Variants in DOCK9 observed in about 807,000 individuals in gnomAD.
DOCK9 encodes the protein dedicator of cytokinesis protein 9.
Under a neutral mutation model 263.3 loss-of-function variants are expected in DOCK9, and 89 were observed. The ratio of observed to expected loss-of-function variants is 0.34; its 90% CI spans 0.28 to 0.40. The LOEUF (loss-of-function observed/expected upper bound fraction) is 0.40, where lower values mean the gene tolerates loss of function less well. Ranked by LOEUF, DOCK9 falls within the 10% of genes least tolerant of loss-of-function variation. DOCK9 has a pLI of 1.00. For synonymous variants in DOCK9, 976 were observed against 973.1 expected, an observed-to-expected ratio of 1.00 and a Z score of -0.06; for missense variants, 2,140 against 2,603.4, an observed-to-expected ratio of 0.82 and a Z score of 3.87.
intron 45 of DOCK9, 38 bp downstream of exon 45, chr13:98,824,360 C>A: frequency 6.3e-7 from 1 of 1,577,116 alleles, no homozygotes; most frequent in Non-Finnish European, 8.7e-7. Context: ...TCCCAGATAC[C>A]CCAGTACCTG....
Position 99,001,873 on chromosome 13 carries a change from C to T in DOCK9, c.130-46322G>A, listed in dbSNP as rs560495451. 7.9e-5 allele frequency among the ~76,000 whole-genome samples: 12 copies of T among 152,308 alleles called. No individual in the cohort carries two copies. In the South Asian group the frequency reaches 2.3e-3, roughly 29 times the overall value. ...TGTTTTCTTAAAGAGGGACTTCCAA[C>T]TGGCAAGAATGTTAGGGCCCTATGA... On this transcript the variant is annotated intron_variant, in intron 1 of 32. Coordinates refer to the DOCK9 transcript ENST00000427887.
In DOCK9 at chr13:98,824,502, C is replaced by A; in HGVS notation, c.5026G>T (p.Val1676Leu). The A allele has an allele frequency of 3.7e-6, 6 of 1,613,464 alleles. No individual in the cohort carries two copies. The highest frequency in any genetic ancestry group is 5.1e-6 in the Non-Finnish European group (6 of 1,179,578). Residue 1676 changes from valine (V) to leucine (L), a missense_variant and splice_region_variant, in exon 45 of 53, where the codon GTG (valine) becomes TTG (leucine). This residue lies in a region of DOCK9 where 619 missense variants were observed against 861.8 expected (regional missense o/e 0.72). Transcript: ENST00000682017. The stretch of plus-strand genomic sequence containing the variant: ...AAGGCGGTGCATCCTTGTCTAAACA[C>A]GCCTAGGAAGAGAGGAAGGAGGGAC... ...LVAEYLTRKG[V>L]FRQGCTAFRV... is the part of the protein sequence containing the mutation.
At chr13:98,908,121 A>G (rs1385387545) in intron 9 of DOCK9, among the ~76,000 whole-genome samples, 1 of 152,234 alleles carries the variant, frequency 6.6e-6, no homozygotes, top group East Asian at 1.9e-4. Context: ...AGAAGAAAAC[A>G]AGGTAAACAA....
intron 34 of DOCK9, among the ~76,000 whole-genome samples, chr13:98,855,185 C>T (rs2093675450): frequency 6.6e-6 from 1 of 152,200 alleles, no homozygotes; most frequent in African/African-American, 2.4e-5. Flanking sequence ...ACCCCTGAAT[C>T]ACCTATATGA....
chr13:98,914,149 G>A (rs1216998176), intron 9 of DOCK9, among the ~76,000 whole-genome samples, 179 bp downstream of exon 9: 1 of 152,140 alleles, frequency 6.6e-6, no homozygotes, highest in Admixed American at 6.5e-5. Context: ...CTTTTTAGAA[G>A]ACAGACCTGA....
chr13:98,855,149 G>A (rs76775798), intron 34 of DOCK9, among the ~76,000 whole-genome samples: 5,490 of 152,256 alleles, frequency 0.036, 310 homozygotes, highest in African/African-American at 0.12. Context: ...TTGTGGGTGC[G>A]TGCTGTGTGA....
chr13:98,906,867 G>A (rs1005475706), intron 9 of DOCK9, among the ~76,000 whole-genome samples: 4 of 152,072 alleles, frequency 2.6e-5, no homozygotes, highest in African/African-American at 9.7e-5. Flanking sequence ...TAGCCTCTCT[G>A]GATTCCATTT....
rs1423347509 is a variant in DOCK9, at chr13:99,008,232, ATATTT to A, written c.130-52686_130-52682del. Among the ~76,000 whole-genome samples, 43 of 103,390 alleles carry A rather than the reference ATATTT, an allele frequency of 4.2e-4. No individual in the cohort carries two copies. The East Asian group carries it at 4.5e-3, about 11-fold the overall frequency. The allele number at this position is 103,390 out of a possible 152,430, so 67.8% of individuals were successfully genotyped here. A position where few individuals can be genotyped will look rare whatever the true frequency, so the allele number is the denominator to read the frequency against. ...TCTCTCTATATATATATATATATAT[ATATTT>A]TTTTTTTTTTTTGAGACGAAGTCTC... is the stretch of plus-strand genomic sequence containing the variant. On this transcript the variant is annotated intron_variant, in intron 1 of 32. Coordinates refer to the DOCK9 transcript ENST00000427887.
chr13:99,079,646 C>T (rs1048570505), intron 1 of DOCK9, among the ~76,000 whole-genome samples: 7 of 152,306 alleles, frequency 4.6e-5, no homozygotes, highest in East Asian at 1.9e-4. Context: ...ACTCGGGCAA[C>T]GTATGTTGCT....
Position 98,832,013 on chromosome 13 carries a change from G to C in DOCK9, c.4315-227C>G, listed in dbSNP as rs138264528. 2,324 of 537,722 alleles carry C rather than the reference G, an allele frequency of 4.3e-3. 8 individuals are homozygous for C. The highest frequency in any genetic ancestry group is 5.9e-3 in the Non-Finnish European group (1,809 of 308,594). The allele number at this position is 537,722 out of a possible 1,614,324, so 33.3% of individuals were successfully genotyped here. On this transcript the variant is annotated intron_variant, in intron 39 of 52. Transcript: ENST00000682017. Reference sequence around the variant, plus strand: ...AACCTCCCAGCAAACTAACAGAGTTGAAAGGAACACTTGCTTAGTACTGAC... The same window carrying C: ...AACCTCCCAGCAAACTAACAGAGTTCAAAGGAACACTTGCTTAGTACTGAC...
chr13:98,993,282 G>A (rs1275969521), intron 1 of DOCK9, among the ~76,000 whole-genome samples: 1 of 152,206 alleles, frequency 6.6e-6, no homozygotes, highest in African/African-American at 2.4e-5. Flanking sequence ...GACCCCGTAT[G>A]AGACTCCAAA....
chr13:99,074,960 A>C (rs2142407221), intron 1 of DOCK9, among the ~76,000 whole-genome samples: 1 of 152,366 alleles, frequency 6.6e-6, no homozygotes, highest in Non-Finnish European at 1.5e-5. Flanking sequence ...GGAGGTGGCT[A>C]TGAAATCATT....
chr13:98,920,925 C>T lies in DOCK9; in HGVS notation c.717+29G>A, dbSNP rs547317409. On this transcript the variant is annotated intron_variant, in intron 7 of 52. Transcript: ENST00000682017. ...ATAAGCACTACTGCAGATAAGAAAACATAATGGTAAAACTCTTTTCATATT... is the reference window on the plus strand; with the variant it reads ...ATAAGCACTACTGCAGATAAGAAAATATAATGGTAAAACTCTTTTCATATT... The T allele has an allele frequency of 2.3e-5, 36 of 1,565,122 alleles. 3 individuals carry two copies. The South Asian group carries it at 4.0e-4, about 17-fold the overall frequency.
intron 1 of DOCK9, among the ~76,000 whole-genome samples, chr13:98,957,936 G>C (rs2058240335): frequency 1.0e-5 from 1 of 100,290 alleles, no homozygotes; most frequent in Non-Finnish European, 2.3e-5. Flanking sequence ...GCCTGCACAG[G>C]CACAGGCACA....
chr13:98,882,147 G>A, intron 23 of DOCK9, 140 bp from the exon 24 acceptor site: 3 of 711,882 alleles, frequency 4.2e-6, no homozygotes, highest in African/African-American at 1.8e-5. Context: ...TGTCCCCAGA[G>A]GCGTCTGTGT....
intron 45 of DOCK9, among the ~76,000 whole-genome samples, chr13:98,816,728 T>C (rs1372062913): frequency 7.5e-6 from 1 of 133,756 alleles, no homozygotes; most frequent in East Asian, 2.2e-4. Context: ...CAGGTGAAAG[T>C]GAAAGGTGGG....
At chr13:98,868,167 A>G (rs2094092200) in intron 28 of DOCK9, 64 bp downstream of exon 28, 7 of 1,594,952 alleles carry the variant, frequency 4.4e-6, no homozygotes, top group Non-Finnish European at 6.0e-6. Flanking sequence ...TCACCCTGCT[A>G]GACAGCTGGT....
At position 99,067,667 on chromosome 13, in the gene DOCK9, C is replaced by G. The variant is rs1013873924; in HGVS notation, c.129+18556G>C. 9.2e-5 allele frequency among the ~76,000 whole-genome samples: 14 copies of G among 152,296 alleles called. No homozygotes were observed. In the East Asian group the frequency reaches 2.7e-3, roughly 29 times the overall value. On this transcript the variant is annotated intron_variant, in intron 1 of 32. Transcript: ENST00000427887. ...ACTTCTCCATTGTGCAGGTGCCACC[C>G]ATAGGCACCAGGCCAAGACCATAAA...
chr13:98,883,766 C>T (rs1020415098), intron 22 of DOCK9, 47 bp downstream of exon 22: 9 of 1,345,722 alleles, frequency 6.7e-6, no homozygotes, highest in Admixed American at 2.3e-5. Flanking sequence ...ATGGTGCAAA[C>T]TTTGTCACAG....
Sources: allele counts gnomAD v4.1 joint callset (sites outside exome capture counted in the v4.1 genomes callset), GRCh38; gene constraint gnomAD v4.1.1; regional missense constraint gnomAD v4.1.1; transcripts MANE v1.5; gene names NCBI Gene and HGNC (gene_info 2026-07-23, HGNC 2026-07-21).